The following CDH12 variants were observed in gnomAD, a reference collection of about 807,000 sequenced individuals.
CDH12 encodes the protein cadherin 12, also known as cadherin-12.
In CDH12, 41 loss-of-function variants were observed where a neutral mutation model predicts 74.1. The ratio of observed to expected loss-of-function variants is 0.55; its 90% confidence interval spans 0.43 to 0.72. The LOEUF is 0.72. Among genes scored for constraint, CDH12 ranks in the 30% least tolerant of loss-of-function variants. The probability of loss-of-function intolerance (pLI) is 0.00; values close to 1 mark genes in which losing one functional copy is unlikely to be tolerated. For missense variants in CDH12, 945 were observed against 977.2 expected, an observed-to-expected ratio of 0.97 and a Z score of 0.44; for synonymous variants, 399 against 355.0, an observed-to-expected ratio of 1.12 and a Z score of -1.39.
In CDH12 at chr5:21,842,125, C is replaced by T. The variant is rs182991567; in HGVS notation, c.814+36G>A. On this transcript the variant is annotated intron_variant, in intron 8 of 14. Transcript: ENST00000382254. ...ATGACACCATTAAATTTTTTTAAAC[C>T]GCAATAATTTAGGCTTAACAGGAAA... The T allele has an allele frequency of 1.3e-4, 190 of 1,518,952 alleles. 1 individual carries two copies. In the African/African-American group the frequency reaches 1.5e-3, roughly 12 times the overall value. The allele number at this position is 1,518,952 out of a possible 1,614,324, so 94.1% of individuals were successfully genotyped here. A position where few individuals can be genotyped will look rare whatever the true frequency, so the allele number is the denominator to read the frequency against.
At chr5:22,789,218 A>T (rs573718232) in intron 1 of CDH12, among the ~76,000 whole-genome samples, 1 of 152,138 alleles carries the variant, frequency 6.6e-6, no homozygotes. Context: ...AGAGAATTTT[A>T]GTTTTAACTT....
chr5:22,381,681 G>A (rs1741764396), intron 3 of CDH12, among the ~76,000 whole-genome samples: 1 of 151,746 alleles, frequency 6.6e-6, no homozygotes, highest in Non-Finnish European at 1.5e-5. Context: ...CTATATCATG[G>A]TTCTTAGTTT....
intron 1 of CDH12, among the ~76,000 whole-genome samples, chr5:22,819,826 T>C (rs1278676778): frequency 2.7e-5 from 4 of 150,460 alleles, no homozygotes; most frequent in Non-Finnish European, 5.9e-5. Flanking sequence ...TCCAGATACT[T>C]AAATATATAT....
chr5:21,878,772 GA>G (rs1752073861), intron 6 of CDH12, among the ~76,000 whole-genome samples: 1 of 79,784 alleles, frequency 1.3e-5, no homozygotes, highest in Non-Finnish European at 2.7e-5. Flanking sequence ...AAGAAAGAAA[GA>G]AAAGAAAGAA....
chr5:22,548,354 T>G (rs2126729356), intron 1 of CDH12, among the ~76,000 whole-genome samples: 1 of 152,282 alleles, frequency 6.6e-6, no homozygotes, highest in Admixed American at 6.5e-5. Context: ...TTCCAATGCT[T>G]CTGCAACCCT....
chr5:22,529,089 A>ATGTGT (rs1377175382), intron 1 of CDH12, among the ~76,000 whole-genome samples: 6 of 146,898 alleles, frequency 4.1e-5, no homozygotes, highest in Admixed American at 1.4e-4. Flanking sequence ...ATATGCATGC[A>ATGTGT]AAACATGAAT....
rs557566042 is a variant in CDH12, at chr5:22,028,558, C to T, written c.231+49888G>A. Among the ~76,000 whole-genome samples, 75 of 152,060 alleles carry T rather than the reference C, an allele frequency of 4.9e-4. No homozygotes were observed. The South Asian group carries it at 0.012, about 24-fold the overall frequency. On this transcript the variant is annotated intron_variant, in intron 5 of 14. Coordinates refer to ENST00000382254, the MANE Select transcript of CDH12 (RefSeq NM_004061.5). Reference sequence around the variant, plus strand: ...ACCCAGGAATCCAACTTACAAGGGACGTGAAGGACCTCTTCAAGGAGAACT... The same window carrying T: ...ACCCAGGAATCCAACTTACAAGGGATGTGAAGGACCTCTTCAAGGAGAACT...
chr5:22,142,617 C>G, intron 4 of CDH12: 1 of 485,968 alleles, frequency 2.1e-6, no homozygotes, highest in South Asian at 2.0e-5. Flanking sequence ...TTCTTACATC[C>G]TACCATTAAA....
intron 9 of CDH12, among the ~76,000 whole-genome samples, chr5:21,804,647 C>A (rs111259970): frequency 0.11 from 4,859 of 43,112 alleles, 150 homozygotes; most frequent in East Asian, 0.18. Context: ...AATTAAAACA[C>A]ACACACACAC....
At chr5:22,318,587 A>G (rs1159544744) in intron 3 of CDH12, among the ~76,000 whole-genome samples, 4 of 152,186 alleles carry the variant, frequency 2.6e-5, no homozygotes, top group Admixed American at 2.6e-4. Context: ...TGCATCTGGA[A>G]TTGAGGCAAT....
chr5:22,443,070 G>C (rs1242528887), intron 2 of CDH12, among the ~76,000 whole-genome samples: 1 of 152,056 alleles, frequency 6.6e-6, no homozygotes, highest in African/African-American at 2.4e-5. Context: ...GCACTCTGTT[G>C]AAGCAATGTT....
intron 4 of CDH12, among the ~76,000 whole-genome samples, chr5:22,112,893 C>T (rs902114136): frequency 2.6e-5 from 4 of 152,122 alleles, no homozygotes; most frequent in Admixed American, 2.0e-4. Context: ...TTTAACAGAA[C>T]GTTCATCTTA....
chr5:22,491,622 CA>C lies in CDH12; in HGVS notation c.-428+13647del, dbSNP rs33936783. Among the ~76,000 whole-genome samples the C allele has an allele frequency of 1.1e-4, 15 of 135,640 alleles. 1 individual carries two copies. The highest frequency in any genetic ancestry group is 4.7e-4 in the South Asian group (2 of 4,292). 89.0% of individuals were successfully genotyped at this position (135,640 alleles called of 152,430 possible). A position where few individuals can be genotyped will look rare whatever the true frequency, so the allele number is the denominator to read the frequency against. ...GACAGCTAATGAGCAAAAAAAAAAA[CA>C]AAAAAAAAAACAAAAACAACAACAA... On this transcript the variant is annotated intron_variant, in intron 2 of 14. Transcript: ENST00000382254.
intron 3 of CDH12, among the ~76,000 whole-genome samples, chr5:22,221,007 CAGACACACACAG>C (rs1751995431): frequency 6.6e-6 from 1 of 151,388 alleles, no homozygotes; most frequent in Non-Finnish European, 1.5e-5. Flanking sequence ...CACACACACA[CAGACACACACAG>C]ACACACACAC....
chr5:22,829,526 T>C (rs543391090), intron 1 of CDH12, among the ~76,000 whole-genome samples: 1 of 152,304 alleles, frequency 6.6e-6, no homozygotes, highest in East Asian at 1.9e-4. Flanking sequence ...GGTCTACTGA[T>C]AGGAGGAGTG....
chr5:21,752,974 T>G (rs1278643412), intron 14 of CDH12, among the ~76,000 whole-genome samples: 1 of 152,104 alleles, frequency 6.6e-6, no homozygotes, highest in Non-Finnish European at 1.5e-5. Flanking sequence ...ATTTTAAAAT[T>G]GTTAATTTAT....
At chr5:22,639,357 A>T (rs1341773910) in intron 1 of CDH12, among the ~76,000 whole-genome samples, 1 of 151,890 alleles carries the variant, frequency 6.6e-6, no homozygotes, top group Admixed American at 6.5e-5. Flanking sequence ...CCTAGTTCCA[A>T]TATTTTCAAT....
rs149933765 is a variant in CDH12 at position 22,612,861 on chromosome 5, C to T, written c.-522-107497G>A. On this transcript the variant is annotated intron_variant, in intron 1 of 14. Coordinates refer to ENST00000382254, the MANE Select transcript of CDH12 (RefSeq NM_004061.5). ...TAACTCCTCAACCCTAACATAGTTC[C>T]TAAAGATTGTATTTAAAGGATTAGG... 2.9e-3 allele frequency among the ~76,000 whole-genome samples: 445 copies of T among 152,092 alleles called. 3 individuals are homozygous for T. Among genetic ancestry groups the T allele is most frequent in the African/African-American group, 1.0e-2 (413 of 41,504 alleles).
intron 1 of CDH12, among the ~76,000 whole-genome samples, chr5:22,604,631 A>T (rs1737007248): frequency 6.6e-6 from 1 of 152,228 alleles, no homozygotes; most frequent in Non-Finnish European, 1.5e-5. Context: ...GCATCTAAAA[A>T]AACCTTCATT....
Sources: gnomAD v4.1 joint callset for allele counts (sites outside exome capture counted in the v4.1 genomes callset) on GRCh38, gnomAD v4.1.1 for gene constraint, MANE v1.5 for transcripts, NCBI Gene and HGNC (gene_info 2026-07-23, HGNC 2026-07-21) for gene names.